The following CDH4 variants were observed in gnomAD, a reference collection of about 807,000 sequenced individuals.
The protein encoded by CDH4 is cadherin-4.
CDH4 carries 33 observed loss-of-function variants against 86.0 expected under a neutral mutation model. That is an observed-to-expected ratio of 0.38 (90% CI 0.29 to 0.51). The LOEUF (loss-of-function observed/expected upper bound fraction) is 0.51. Among genes scored for constraint, CDH4 ranks in the 20% least tolerant of loss-of-function variants. The pLI is 0.86. For synonymous variants in CDH4, 555 were observed against 549.4 expected, an observed-to-expected ratio of 1.01 and a Z score of -0.14; for missense variants, 1,114 against 1,307.4, an observed-to-expected ratio of 0.85 and a Z score of 2.28.
intron 2 of CDH4, among the ~76,000 whole-genome samples, chr20:61,403,499 G>A (rs796570930): frequency 2.6e-5 from 4 of 152,296 alleles, no homozygotes; most frequent in African/African-American, 9.6e-5. Flanking sequence ...ATGTTCTGGA[G>A]AGTGGCCACT....
chr20:61,648,536 G>A (rs937121665), intron 2 of CDH4, among the ~76,000 whole-genome samples: 1 of 152,170 alleles, frequency 6.6e-6, no homozygotes, highest in Non-Finnish European at 1.5e-5. Context: ...TATGGGGTGG[G>A]GATTTGGAAG....
chr20:61,760,890 T>C (rs946154584), intron 3 of CDH4, among the ~76,000 whole-genome samples: 8 of 152,242 alleles, frequency 5.3e-5, no homozygotes, highest in African/African-American at 1.9e-4. Flanking sequence ...ATGAAACTCA[T>C]GCAAATGCTG....
At chr20:61,827,615 A>C (rs1311626715) in intron 4 of CDH4, among the ~76,000 whole-genome samples, 2 of 152,260 alleles carry the variant, frequency 1.3e-5, no homozygotes, top group Admixed American at 1.3e-4. Flanking sequence ...ATTATAGAGA[A>C]ATAAAAGACC....
At chr20:61,744,388 GGGAGAGAGAT>G (rs1418869821) in intron 3 of CDH4, among the ~76,000 whole-genome samples, 1 of 147,722 alleles carries the variant, frequency 6.8e-6, no homozygotes, top group Non-Finnish European at 1.5e-5. Flanking sequence ...GAGAGAAGGA[GGGAGAGAGAT>G]GGAAAGAGGT....
chr20:61,696,938 G>C (rs1313403866), intron 2 of CDH4, among the ~76,000 whole-genome samples: 1 of 152,186 alleles, frequency 6.6e-6, no homozygotes, highest in Non-Finnish European at 1.5e-5. Flanking sequence ...AGAGAGTAAG[G>C]CCGCAAGAAG....
chr20:61,430,228 C>T (rs1195223641), intron 2 of CDH4, among the ~76,000 whole-genome samples: 2 of 152,334 alleles, frequency 1.3e-5, no homozygotes, highest in Admixed American at 6.5e-5. Flanking sequence ...TTGGACTAAG[C>T]AGAGATAATG....
intron 2 of CDH4, among the ~76,000 whole-genome samples, chr20:61,646,199 C>T (rs1002532917): frequency 6.6e-6 from 1 of 152,072 alleles, no homozygotes; most frequent in African/African-American, 2.4e-5. Context: ...AAGAACCCGG[C>T]ACCTAGATCA....
intron 2 of CDH4, among the ~76,000 whole-genome samples, chr20:61,398,023 A>G (rs1015068508): frequency 2.6e-5 from 4 of 152,326 alleles, no homozygotes; most frequent in African/African-American, 7.2e-5. Flanking sequence ...ACCACATGGC[A>G]AGCTTCACCT....
At chr20:61,880,787 G>A (rs1984241948) in intron 7 of CDH4, among the ~76,000 whole-genome samples, 1 of 152,250 alleles carries the variant, frequency 6.6e-6, no homozygotes, top group African/African-American at 2.4e-5. Flanking sequence ...GTGCTCTGAA[G>A]GTTGGGCCAC....
chr20:61,862,625 G>C (rs937426421), intron 6 of CDH4, among the ~76,000 whole-genome samples: 1 of 152,272 alleles, frequency 6.6e-6, no homozygotes, highest in East Asian at 1.9e-4. Context: ...GTTTTCCACC[G>C]CTGTCCCCCG....
At chr20:61,366,747 T>A (rs2123328034) in intron 2 of CDH4, among the ~76,000 whole-genome samples, 1 of 152,328 alleles carries the variant, frequency 6.6e-6, no homozygotes, top group Middle Eastern at 3.4e-3. Flanking sequence ...TTCCTTGCCC[T>A]CATTCTGGTA....
intron 2 of CDH4, among the ~76,000 whole-genome samples, chr20:61,552,228 TAA>T (rs1007336790): frequency 9.2e-5 from 14 of 152,250 alleles, no homozygotes; most frequent in Non-Finnish European, 1.8e-4. Context: ...ATTGTATATA[TAA>T]GAGTCTAGTA....
At chr20:61,523,820 C>T (rs1199796338) in intron 2 of CDH4, among the ~76,000 whole-genome samples, 3 of 152,238 alleles carry the variant, frequency 2.0e-5, no homozygotes, top group African/African-American at 2.4e-5. Context: ...CCCCTACCCT[C>T]TCCAGGTGGA....
intron 2 of CDH4, among the ~76,000 whole-genome samples, chr20:61,277,398 A>G (rs2084236811): frequency 6.6e-6 from 1 of 152,186 alleles, no homozygotes; most frequent in African/African-American, 2.4e-5. Context: ...TGTGTTAGAT[A>G]GCAGCGAGAG....
intron 2 of CDH4, among the ~76,000 whole-genome samples, chr20:61,605,440 CCT>C (rs1264712252): frequency 1.3e-5 from 2 of 150,472 alleles, no homozygotes; most frequent in East Asian, 2.0e-4. Context: ...TATCTGTCTC[CCT>C]CTCTCTCTTT....
intron 7 of CDH4, among the ~76,000 whole-genome samples, chr20:61,893,031 GGATAGATGGATGGGTGGGTGAATAGAGA>G: frequency 6.8e-6 from 1 of 146,118 alleles, no homozygotes; most frequent in Non-Finnish European, 1.5e-5. Flanking sequence ...GAGGGTGGAT[GGATAGATGGATGGGTGGGTGAATAGAGA>G]GATAGATGGA....
At chr20:61,362,088 G>A (rs913009733) in intron 2 of CDH4, among the ~76,000 whole-genome samples, 3 of 152,236 alleles carry the variant, frequency 2.0e-5, no homozygotes, top group African/African-American at 7.2e-5. Flanking sequence ...CAGCATGGTC[G>A]GTGAAGACCT....
In CDH4 at chr20:61,518,319, A is replaced by G. The variant is rs1600725070; in HGVS notation, c.170-225244A>G. Among the ~76,000 whole-genome samples the G allele has an allele frequency of 6.6e-6, 1 of 152,128 alleles. No homozygotes were observed. The highest frequency in any genetic ancestry group is 2.4e-5 in the African/African-American group (1 of 41,494). On this transcript the variant is annotated intron_variant, in intron 2 of 15. Transcript: ENST00000614565. This position sits in a 1 kb window ranked among gnomAD's most constrained non-coding sequence, Gnocchi z 6.3. The stretch of plus-strand genomic sequence containing the variant: ...CAGGTGCAGAGATGGGCTCTTAACC[A>G]CCTCTTCCCTATGCTAAGTCTGTTC...
At chr20:61,640,838 G>A (rs1026246332) in intron 2 of CDH4, among the ~76,000 whole-genome samples, 3 of 152,180 alleles carry the variant, frequency 2.0e-5, no homozygotes, top group Admixed American at 6.5e-5. Context: ...CTACGCTGTT[G>A]GTCTGTCTTT....
Sources: allele counts gnomAD v4.1 joint callset (sites outside exome capture counted in the v4.1 genomes callset), GRCh38; gene constraint gnomAD v4.1.1; non-coding constraint Gnocchi (gnomAD v3.1); transcripts MANE v1.5; gene names NCBI Gene and HGNC (gene_info 2026-07-23, HGNC 2026-07-21).